Variants in CLEC16A observed in about 807,000 individuals in gnomAD.
The protein encoded by CLEC16A is C-type lectin domain containing 16A, also known as protein CLEC16A.
Under a neutral mutation model 109.5 loss-of-function variants are expected in CLEC16A, and 51 were observed. The ratio of observed to expected loss-of-function variants is 0.47; its 90% CI spans 0.37 to 0.59. The LOEUF (loss-of-function observed/expected upper bound fraction) is 0.59, where lower values mean the gene tolerates loss of function less well. Among genes scored for constraint, CLEC16A ranks in the 20% least tolerant of loss-of-function variants. The probability of loss-of-function intolerance (pLI) is 0.00; values close to 1 mark genes in which losing one functional copy is unlikely to be tolerated. For missense variants in CLEC16A, 1,339 were observed against 1,394.0 expected (o/e 0.96, Z 0.63); for synonymous variants, 673 against 564.2 (o/e 1.19, Z -2.73).
intron 11 of CLEC16A, among the ~76,000 whole-genome samples, chr16:11,004,339 G>A (rs2044859833): frequency 6.6e-6 from 1 of 152,214 alleles, no homozygotes; most frequent in Non-Finnish European, 1.5e-5. Flanking sequence ...AGCGGGAAGT[G>A]ATGGGGAGCT....
At chr16:11,157,612 A>G (rs765988195) in intron 22 of CLEC16A, among the ~76,000 whole-genome samples, 7 of 152,188 alleles carry the variant, frequency 4.6e-5, no homozygotes, top group African/African-American at 1.7e-4. Context: ...AGTCACTGCT[A>G]TCTGAACCCT....
intron 18 of CLEC16A, among the ~76,000 whole-genome samples, chr16:11,058,254 T>C (rs546138162): frequency 8.5e-4 from 129 of 152,290 alleles, no homozygotes; most frequent in South Asian, 2.5e-3. Flanking sequence ...CATTGAGAGA[T>C]TTTATTATAC....
chr16:11,120,333 T>C (rs543246703), intron 19 of CLEC16A, among the ~76,000 whole-genome samples: 11 of 152,380 alleles, frequency 7.2e-5, no homozygotes, highest in African/African-American at 2.6e-4. Context: ...GGACAGATGC[T>C]TTATGTACTT....
chr16:10,959,936 T>C (rs1396887465), intron 2 of CLEC16A, among the ~76,000 whole-genome samples: 1 of 151,978 alleles, frequency 6.6e-6, no homozygotes, highest in East Asian at 1.9e-4. Context: ...TCATTCTAGG[T>C]CCCAAGATGA....
At chr16:11,038,932 C>G (rs1010858563) in intron 13 of CLEC16A, among the ~76,000 whole-genome samples, 1 of 152,278 alleles carries the variant, frequency 6.6e-6, no homozygotes, top group African/African-American at 2.4e-5. Context: ...AACTTGATTC[C>G]TCCTACATGT....
chr16:10,992,254 C>T (rs1353151898), intron 10 of CLEC16A, among the ~76,000 whole-genome samples: 1 of 151,362 alleles, frequency 6.6e-6, no homozygotes, highest in African/African-American at 2.4e-5. Flanking sequence ...CTGTTGACCA[C>T]CCTCTCCCCA....
chr16:11,090,516 T>A (rs2050243655), intron 19 of CLEC16A, among the ~76,000 whole-genome samples: 1 of 152,162 alleles, frequency 6.6e-6, no homozygotes, highest in African/African-American at 2.4e-5. Flanking sequence ...GTGTGAAGCC[T>A]TCACAGTGGA....
chr16:10,962,613 C>G, intron 3 of CLEC16A, 25 bp downstream of exon 3: 1 of 1,611,928 alleles, frequency 6.2e-7, no homozygotes, highest in South Asian at 1.1e-5. Context: ...TGGTATTTGC[C>G]TCTGTGCTGC....
intron 21 of CLEC16A, among the ~76,000 whole-genome samples, chr16:11,125,638 CA>C (rs1275586908): frequency 3.3e-5 from 5 of 152,370 alleles, no homozygotes; most frequent in Middle Eastern, 3.4e-3. Context: ...GGGTCTGAAA[CA>C]GCCTTTGTCA....
At chr16:11,149,180 G>C (rs1169834159) in intron 22 of CLEC16A, among the ~76,000 whole-genome samples, 1 of 152,196 alleles carries the variant, frequency 6.6e-6, no homozygotes, top group African/African-American at 2.4e-5. Context: ...GTCACCAGTG[G>C]TGGTGAGTCA....
intron 12 of CLEC16A, among the ~76,000 whole-genome samples, chr16:11,021,101 C>T (rs2046072588): frequency 1.3e-5 from 2 of 152,208 alleles, no homozygotes; most frequent in African/African-American, 4.8e-5. Context: ...CTTCCTCAGC[C>T]CCTAGGGAGG....
chr16:11,089,627 A>G (rs1278813027), intron 19 of CLEC16A, among the ~76,000 whole-genome samples: 1 of 152,152 alleles, frequency 6.6e-6, no homozygotes, highest in Non-Finnish European at 1.5e-5. Flanking sequence ...TGCCAGCATG[A>G]CGAGCAGAAG....
chr16:11,054,204 G>A (rs1567252099), intron 18 of CLEC16A, among the ~76,000 whole-genome samples: 1 of 152,220 alleles, frequency 6.6e-6, no homozygotes, highest in African/African-American at 2.4e-5. Context: ...GCCCTGCTGG[G>A]CTGGGGCAGA....
At chr16:11,176,359 C>T (rs140831293) in intron 23 of CLEC16A, among the ~76,000 whole-genome samples, 97 of 152,352 alleles carry the variant, frequency 6.4e-4, no homozygotes, top group African/African-American at 2.2e-3. Flanking sequence ...GCCACCCTCC[C>T]AGAGCGAGGA....
intron 19 of CLEC16A, among the ~76,000 whole-genome samples, chr16:11,111,792 T>C (rs1265619383): frequency 2.6e-5 from 4 of 152,256 alleles, no homozygotes; most frequent in Non-Finnish European, 5.9e-5. Context: ...TCAGTTTTCA[T>C]GTTTACCTTA....
chr16:11,099,607 A>G (rs1389652703), intron 19 of CLEC16A, among the ~76,000 whole-genome samples: 3 of 152,180 alleles, frequency 2.0e-5, no homozygotes, highest in African/African-American at 7.2e-5. Context: ...CAAGAAAGGC[A>G]AGGGTTTGGA....
chr16:11,075,656 C>G (rs191969969), intron 19 of CLEC16A, among the ~76,000 whole-genome samples: 1 of 152,012 alleles, frequency 6.6e-6, no homozygotes, highest in Non-Finnish European at 1.5e-5. Flanking sequence ...TGGCTGGTCT[C>G]AAACTCCTGG....
chr16:10,965,246 A>G (rs1249264908), intron 3 of CLEC16A, among the ~76,000 whole-genome samples: 1 of 152,228 alleles, frequency 6.6e-6, no homozygotes, highest in African/African-American at 2.4e-5. Context: ...TAAGCCCTGC[A>G]AAAAGGGTAG....
intron 22 of CLEC16A, 128 bp downstream of exon 22, chr16:11,126,274 T>C: frequency 2.6e-6 from 4 of 1,551,140 alleles, no homozygotes; most frequent in Non-Finnish European, 3.5e-6. Flanking sequence ...CAGCACCAGC[T>C]TCTTAGAATT....
Sources: gnomAD v4.1 joint callset for allele counts (sites outside exome capture counted in the v4.1 genomes callset) on GRCh38, gnomAD v4.1.1 for gene constraint, MANE v1.5 for transcripts, NCBI Gene and HGNC (gene_info 2026-07-23, HGNC 2026-07-21) for gene names.